Variants in TMEM245 observed in about 807,000 individuals in gnomAD.
TMEM245 encodes protein CG-2.
A neutral mutation model predicts 101.2 loss-of-function variants in TMEM245; 69 were observed. The ratio of observed to expected loss-of-function variants is 0.68; its 90% CI spans 0.56 to 0.83. The LOEUF (loss-of-function observed/expected upper bound fraction) is 0.83. Among genes scored for constraint, TMEM245 ranks in the 40% least tolerant of loss-of-function variants. TMEM245 has a pLI of 0.00. For synonymous variants in TMEM245, 537 were observed against 449.8 expected, an observed-to-expected ratio of 1.19 and a Z score of -2.45; for missense variants, 1,075 against 1,092.8, an observed-to-expected ratio of 0.98 and a Z score of 0.23.
rs1296544034 is a variant in TMEM245 at position 109,018,450 on chromosome 9, G to A, written c.*2010C>T. ...AATGATTGACTAAAGAAAAACATGA[G>A]TTACTTAGTGACCAAATCTAATACT... On this transcript the variant is annotated 3_prime_UTR_variant, in exon 18 of 18. Coordinates refer to ENST00000374586, the MANE Select transcript of TMEM245 (RefSeq NM_032012.4). 3 of 152,046 alleles carry A rather than the reference G, an allele frequency of 2.0e-5. No homozygotes were observed. Among genetic ancestry groups the A allele is most frequent in the Non-Finnish European group, 2.9e-5 (2 of 67,996 alleles). 9.4% of individuals were successfully genotyped at this position (152,046 alleles called of 1,614,324 possible). A position where few individuals can be genotyped will look rare whatever the true frequency, so the allele number is the denominator to read the frequency against.
intron 3 of TMEM245, among the ~76,000 whole-genome samples, chr9:109,095,827 C>T (rs759330487): frequency 2.0e-5 from 3 of 152,170 alleles, no homozygotes; most frequent in Admixed American, 6.6e-5. Context: ...TGCCTCTCAC[C>T]CCTCTCACCA....
intron 1 of TMEM245, among the ~76,000 whole-genome samples, chr9:109,113,308 A>G (rs1830619802): frequency 6.6e-6 from 1 of 152,214 alleles, no homozygotes; most frequent in South Asian, 2.1e-4. Flanking sequence ...AATCTTCACT[A>G]ACACGGAAAC....
At chr9:109,058,328 T>C (rs75317369) in intron 11 of TMEM245, among the ~76,000 whole-genome samples, 8,823 of 151,698 alleles carry the variant, frequency 0.058, 423 homozygotes, top group East Asian at 0.17. Context: ...TAATTTACCA[T>C]ACAAGGTAAG....
At chr9:109,070,982 A>G (rs1020423743) in intron 9 of TMEM245, among the ~76,000 whole-genome samples, 1 of 152,102 alleles carries the variant, frequency 6.6e-6, no homozygotes, top group Non-Finnish European at 1.5e-5. Context: ...CCCGAGTTCA[A>G]GCGATTCATG....
In TMEM245 at chr9:109,050,316, T is replaced by C. The variant is rs1403408655; in HGVS notation, c.2090A>G (p.Asn697Ser). Reference sequence around the variant, plus strand: ...TTCTTCCACAGACTGGCCAATAATATTAGAAGAAGGACCTGGCTGAGATAG... The same window carrying C: ...TTCTTCCACAGACTGGCCAATAATACTAGAAGAAGGACCTGGCTGAGATAG... ...TPLSQPGPSS[N>S]IIGQSVEEAI... is the part of the protein sequence containing the mutation. Residue 697 changes from asparagine to serine, a missense_variant, in exon 14 of 18, where the codon AAT becomes AGT. By Grantham distance (46) the Asn-to-Ser change is conservative. Coordinates refer to ENST00000374586, the MANE Select transcript of TMEM245 (RefSeq NM_032012.4). 3 of 1,614,072 alleles carry C rather than the reference T, an allele frequency of 1.9e-6. 1 individual carries two copies. In the Admixed American group the frequency reaches 5.0e-5, roughly 27 times the overall value.
rs562321714 is a variant in TMEM245 at position 109,117,385 on chromosome 9, T to G, written c.579+1950A>C. ...CACCCGCCTCGACCTCCCAAAGTGC[T>G]GGGATTACAGGCGTGAGCCACCGCG... On this transcript the variant is annotated intron_variant, in intron 1 of 17. Transcript: ENST00000374586. 9.2e-5 allele frequency among the ~76,000 whole-genome samples: 14 copies of G among 152,272 alleles called. No individual in the cohort carries two copies. The East Asian group carries it at 2.7e-3, about 29-fold the overall frequency.
chr9:109,119,004 A>G (rs1830810577), intron 1 of TMEM245, among the ~76,000 whole-genome samples: 2 of 152,150 alleles, frequency 1.3e-5, no homozygotes, highest in South Asian at 4.1e-4. Flanking sequence ...CTCCAACCAG[A>G]AGTAAAACCA....
chr9:109,119,567 T>G lies in TMEM245; in HGVS notation c.347A>C (p.His116Pro). The G allele has an allele frequency of 6.5e-7, 1 of 1,539,618 alleles. No individual in the cohort carries two copies. The highest frequency in any genetic ancestry group is 8.7e-7 in the Non-Finnish European group (1 of 1,147,672). The change falls in exon 1 of 18, where the codon CAC becomes CCC. Residue 116 changes from histidine to proline, a missense_variant. Physicochemically the swap from His to Pro is moderately conservative, Grantham distance 77 (BLOSUM62 -2). Transcript: ENST00000374586. The stretch of plus-strand genomic sequence containing the variant: ...CAGCGCGGCCAGGACGATGGGCGTG[T>G]GCGCGCGGTGCAGGCGCTGCAGCCA... ...RHWLQRLHRAHTPIVLAALLL... is the reference protein window; with the variant it reads ...RHWLQRLHRAPTPIVLAALLL...
At chr9:109,110,321 A>T (rs1830536148) in intron 1 of TMEM245, among the ~76,000 whole-genome samples, 1 of 152,104 alleles carries the variant, frequency 6.6e-6, no homozygotes, top group Non-Finnish European at 1.5e-5. Flanking sequence ...CCCACAAAAT[A>T]ATATTATTAT....
Position 109,093,483 on chromosome 9 carries a change from T to C in TMEM245, c.908A>G (p.Gln303Arg). The C allele has an allele frequency of 1.2e-6, 2 of 1,612,790 alleles. No homozygotes were observed. Among genetic ancestry groups the C allele is most frequent in the Non-Finnish European group, 1.7e-6 (2 of 1,179,518 alleles). Reference protein sequence around the residue: ...ESSSEDQPSTQPAEAVDRGES... With the variant: ...ESSSEDQPSTRPAEAVDRGES... ...ACCAGAACATCAGTCACCTGCAGGC[T>C]GAGTGGAGGGCTGGTCTTCACTGCT... The change falls in exon 4 of 18, where the codon CAG becomes CGG. Residue 303 changes from glutamine (Q) to arginine (R), a missense_variant. Physicochemically the swap from Gln to Arg is conservative, Grantham distance 43. Coordinates refer to ENST00000374586, the MANE Select transcript of TMEM245 (RefSeq NM_032012.4).
intron 9 of TMEM245, among the ~76,000 whole-genome samples, chr9:109,071,569 A>C (rs959176843): frequency 1.3e-5 from 2 of 151,912 alleles, no homozygotes; most frequent in Non-Finnish European, 2.9e-5. Flanking sequence ...GTGCCACTTT[A>C]ATCTAGCCTG....
intron 7 of TMEM245, among the ~76,000 whole-genome samples, chr9:109,083,901 C>CAAAAAAAAA (rs751739620): frequency 0.028 from 968 of 34,428 alleles, 212 homozygotes; most frequent in Middle Eastern, 0.048. Context: ...ACTAAAAATA[C>CAAAAAAAAA]AAAAAAAAAA....
At chr9:109,061,760 G>A (rs12686214) in intron 10 of TMEM245, among the ~76,000 whole-genome samples, 33,263 of 151,814 alleles carry the variant, frequency 0.22, 4,455 homozygotes, top group Admixed American at 0.3. Flanking sequence ...GTAGAGATGG[G>A]GTTTCACCAT....
intron 14 of TMEM245, among the ~76,000 whole-genome samples, chr9:109,049,963 A>G (rs1828622598): frequency 6.6e-6 from 1 of 152,130 alleles, no homozygotes; most frequent in African/African-American, 2.4e-5. Flanking sequence ...ATAATTTTTA[A>G]AATTTTTTTA....
chr9:109,095,474 A>G (rs1053098721), intron 3 of TMEM245, among the ~76,000 whole-genome samples: 3 of 152,184 alleles, frequency 2.0e-5, no homozygotes, highest in African/African-American at 7.2e-5. Context: ...CATATTAAAG[A>G]CAGTGAAAGA....
chr9:109,036,471 C>T (rs2256253), intron 15 of TMEM245, 91 bp from the exon 16 acceptor site: 968,128 of 1,223,056 alleles, frequency 0.79, 385,153 homozygotes, highest in East Asian at 1. Flanking sequence ...TCCTCAACAA[C>T]TTCCAACAAA....
intron 17 of TMEM245, among the ~76,000 whole-genome samples, chr9:109,029,211 G>C (rs1447326507): frequency 6.6e-6 from 1 of 152,086 alleles, no homozygotes; most frequent in Admixed American, 6.5e-5. Flanking sequence ...GATGTAAAAT[G>C]TGAAATGCCC....
chr9:109,064,382 G>T, intron 10 of TMEM245, 95 bp downstream of exon 10: 13 of 1,099,938 alleles, frequency 1.2e-5, no homozygotes, highest in Non-Finnish European at 1.7e-5. Flanking sequence ...TTACTGCTGT[G>T]AATAGCATTT....
Position 109,080,851 on chromosome 9 carries a change from G to T in TMEM245, c.1437C>A (p.Leu479=). The T allele has an allele frequency of 6.3e-7, 1 of 1,589,208 alleles. No homozygotes were observed. The highest frequency in any genetic ancestry group is 8.6e-7 in the Non-Finnish European group (1 of 1,158,466). Residue 479 remains leucine, a synonymous_variant, in exon 8 of 18, where the codon CTC becomes CTA. Transcript: ENST00000374586. ...LVIGTLLLAL[L]LTAKVHQESV... ...CACTGTACTCTACCTTTGCAGTCAG[G>T]AGTAGGGCTAAAAGAAGAGTTCCTA... is the stretch of plus-strand genomic sequence containing the variant.
Sources: allele counts gnomAD v4.1 joint callset (sites outside exome capture counted in the v4.1 genomes callset), GRCh38; gene constraint gnomAD v4.1.1; transcripts MANE v1.5; gene names NCBI Gene and HGNC (gene_info 2026-07-23, HGNC 2026-07-21).